COLQ: variants seen among roughly 807,000 people sequenced by gnomAD.
The protein encoded by COLQ is acetylcholinesterase collagenic tail peptide.
COLQ carries 48 observed loss-of-function variants against 69.0 expected under a neutral mutation model. The observed-to-expected ratio is 0.70, with a 90% confidence interval of 0.55 to 0.88. COLQ has a LOEUF of 0.88. COLQ is among the 40% of genes least tolerant of loss of function. The probability of loss-of-function intolerance (pLI) is 0.00; values close to 1 mark genes in which losing one functional copy is unlikely to be tolerated. For synonymous variants in COLQ, 217 were observed against 211.2 expected (o/e 1.03, Z -0.24); for missense variants, 618 against 594.6 (o/e 1.04, Z -0.41).
At chr3:15,464,044 G>A (rs2062160965) in intron 12 of COLQ, among the ~76,000 whole-genome samples, 1 of 152,218 alleles carries the variant, frequency 6.6e-6, no homozygotes, top group South Asian at 2.1e-4. Flanking sequence ...CTAAAAGCAG[G>A]TACTATTGGA....
chr3:15,471,007 A>T (rs1254989102), intron 10 of COLQ, among the ~76,000 whole-genome samples: 2 of 152,168 alleles, frequency 1.3e-5, no homozygotes. Flanking sequence ...TTCTAGTTGG[A>T]ATTTTATGTT....
rs1428513924 is a variant in COLQ at position 15,479,000 on chromosome 3, C to T, written c.370G>A (p.Glu124Lys). The T allele has an allele frequency of 6.2e-7, 1 of 1,614,052 alleles. No homozygotes were observed. The highest frequency in any genetic ancestry group is 8.5e-7 in the Non-Finnish European group (1 of 1,180,038). Residue 124 changes from glutamate (E) to lysine (K), a missense_variant, in exon 5 of 17, where the codon GAG becomes AAG. Physicochemically the swap from Glu to Lys is moderately conservative, Grantham distance 56 (BLOSUM62 1). Transcript: ENST00000383788. ...GKTGPKGEKG[E>K]LGRPGRKGRP... ...ACCTTCCTTCCTGGTCGGCCAAGCT[C>T]CCCCTATGGATGGAGAAGACAGGTA...
rs748197387 is a variant in COLQ at position 15,479,320 on chromosome 3, G to T, written c.366+18C>A. ...AATTGCCAAGGAAAGAAGGGTTGAA[G>T]AAAGTAGTGGTCCATACCTTTTCTC... On this transcript the variant is annotated intron_variant, in intron 4 of 16. Coordinates refer to ENST00000383788, the MANE Select transcript of COLQ (RefSeq NM_005677.4). 5.0e-6 allele frequency: 8 copies of T among 1,613,368 alleles called. No homozygotes were observed. The Admixed American group carries it at 8.3e-5, about 17-fold the overall frequency.
rs150988554 is a variant in COLQ, at chr3:15,501,155, A to G, written c.107-11518T>C. On this transcript the variant is annotated intron_variant, in intron 1 of 16. Transcript: ENST00000383788. Reference sequence around the variant, plus strand: ...CTGCCTGTAAAATCTAATTCACAATACAAGTTTCTGGGGCCTTCCTGCAGC... The same window carrying G: ...CTGCCTGTAAAATCTAATTCACAATGCAAGTTTCTGGGGCCTTCCTGCAGC... 3.4e-3 allele frequency among the ~76,000 whole-genome samples: 522 copies of G among 152,306 alleles called. 2 individuals are homozygous for G. Among genetic ancestry groups the G allele is most frequent in the Non-Finnish European group, 2.2e-3 (151 of 68,026 alleles).
chr3:15,490,337 T>C (rs1408706460), intron 1 of COLQ, among the ~76,000 whole-genome samples: 1 of 152,180 alleles, frequency 6.6e-6, no homozygotes, highest in Non-Finnish European at 1.5e-5. Flanking sequence ...TAAGTTACAG[T>C]TCAACAGATC....
chr3:15,467,649 C>T (rs1457974255), intron 11 of COLQ: 1 of 349,632 alleles, frequency 2.9e-6, no homozygotes, highest in Non-Finnish European at 5.6e-6. Context: ...TTGACTCTTC[C>T]CCTGAGCAAT....
intron 1 of COLQ, among the ~76,000 whole-genome samples, chr3:15,509,460 T>A (rs982798959): frequency 6.6e-6 from 1 of 152,210 alleles, no homozygotes; most frequent in Non-Finnish European, 1.5e-5. Context: ...GGGGAGAAGC[T>A]TTCTCCTTCA....
chr3:15,484,137 C>T (rs2062536379), intron 3 of COLQ, among the ~76,000 whole-genome samples: 1 of 152,152 alleles, frequency 6.6e-6, no homozygotes, highest in Admixed American at 6.5e-5. Flanking sequence ...CTCCTGAATA[C>T]AGCACACTGA....
chr3:15,452,526 C>T (rs961530089), intron 16 of COLQ, among the ~76,000 whole-genome samples: 1 of 152,162 alleles, frequency 6.6e-6, no homozygotes, highest in Non-Finnish European at 1.5e-5. Context: ...CACAGGCGTC[C>T]CTCTGAGGCT....
At chr3:15,462,309 C>CGTA (rs1328248553) in intron 12 of COLQ, among the ~76,000 whole-genome samples, 2 of 152,154 alleles carry the variant, frequency 1.3e-5, no homozygotes, top group Admixed American at 6.5e-5. Context: ...GGATTACAGG[C>CGTA]GTAAGCCACC....
chr3:15,457,356 A>C (rs917059592), intron 13 of COLQ, among the ~76,000 whole-genome samples: 4 of 151,912 alleles, frequency 2.6e-5, no homozygotes, highest in African/African-American at 9.7e-5. Flanking sequence ...CACTAGATGG[A>C]TGATTATGAT....
At chr3:15,517,067 G>A (rs2063072777) in intron 1 of COLQ, among the ~76,000 whole-genome samples, 1 of 152,100 alleles carries the variant, frequency 6.6e-6, no homozygotes, top group Non-Finnish European at 1.5e-5. Flanking sequence ...GCTTGAACCT[G>A]GAAGGCGGAG....
intron 1 of COLQ, among the ~76,000 whole-genome samples, chr3:15,518,025 T>C (rs2063085956): frequency 6.6e-6 from 1 of 152,150 alleles, no homozygotes; most frequent in African/African-American, 2.4e-5. Flanking sequence ...AGCTCACTGC[T>C]ACCTCCGCCT....
At chr3:15,512,043 T>C (rs1018935116) in intron 1 of COLQ, among the ~76,000 whole-genome samples, 10 of 152,084 alleles carry the variant, frequency 6.6e-5, no homozygotes, top group African/African-American at 2.4e-4. Flanking sequence ...AGAAGCCCCA[T>C]GCCAGGCCCG....
intron 16 of COLQ, 22 bp downstream of exon 16, chr3:15,453,807 G>C (rs1474608435): frequency 6.8e-7 from 1 of 1,463,054 alleles, no homozygotes; most frequent in Admixed American, 1.7e-5. Context: ...GGGGGAGAGG[G>C]AGGGAGGGGA....
chr3:15,501,354 C>T (rs181219735), intron 1 of COLQ, among the ~76,000 whole-genome samples: 1 of 152,334 alleles, frequency 6.6e-6, no homozygotes, highest in African/African-American at 2.4e-5. Flanking sequence ...GAAGTAGATT[C>T]TGCTTTGCAT....
intron 1 of COLQ, among the ~76,000 whole-genome samples, chr3:15,505,443 C>T (rs1296050544): frequency 2.0e-5 from 3 of 152,248 alleles, no homozygotes; most frequent in Non-Finnish European, 4.4e-5. Flanking sequence ...ATCCATCCCC[C>T]TTTCCCTGAC....
intron 1 of COLQ, chr3:15,498,469 C>T: frequency 1.4e-6 from 2 of 1,442,350 alleles, no homozygotes; most frequent in Non-Finnish European, 1.9e-6. Context: ...GCATGTGCAT[C>T]CACACACACA....
chr3:15,498,815 A>C (rs2062789522), intron 1 of COLQ: 2 of 1,469,146 alleles, frequency 1.4e-6, no homozygotes, highest in African/African-American at 1.4e-5. Flanking sequence ...GCTGCCCATG[A>C]ACACTGCTGT....
Sources: gnomAD v4.1 joint callset for allele counts (sites outside exome capture counted in the v4.1 genomes callset) on GRCh38, gnomAD v4.1.1 for gene constraint, MANE v1.5 for transcripts, NCBI Gene and HGNC (gene_info 2026-07-23, HGNC 2026-07-21) for gene names.